Variants in RNF167 observed in about 807,000 individuals in gnomAD.
RNF167 encodes the protein ring finger protein 167.
Under a neutral mutation model 34.8 loss-of-function variants are expected in RNF167, and 19 were observed. The ratio of observed to expected loss-of-function variants is 0.55; its 90% CI spans 0.38 to 0.80. The LOEUF (loss-of-function observed/expected upper bound fraction) is 0.80, where lower values mean the gene tolerates loss of function less well. RNF167 is among the 30% of genes least tolerant of loss of function. RNF167 has a pLI of 0.00. For missense variants in RNF167, 464 were observed against 447.0 expected, an observed-to-expected ratio of 1.04 and a Z score of -0.34; for synonymous variants, 200 against 170.4, an observed-to-expected ratio of 1.17 and a Z score of -1.35.
chr17:4,942,377 A>C lies in RNF167; in HGVS notation c.202A>C (p.Ser68Arg), dbSNP rs747921287. 3 of 1,613,962 alleles carry C rather than the reference A, an allele frequency of 1.9e-6. No individual in the cohort carries two copies. The African/African-American group carries it at 4.0e-5, about 22-fold the overall frequency. The change falls in exon 4 of 10, where the codon AGC (serine) becomes CGC (arginine). Residue 68 changes from serine to arginine, a missense_variant. Coordinates refer to ENST00000262482, the MANE Select transcript of RNF167 (RefSeq NM_015528.3). ...GGAGGCTCACCCAGACAATGCCTGC[A>C]GCCCCATTGCCCCACCACCCCCAGC... ...LVEAHPDNACSPIAPPPPAPV... is the reference protein window; with the variant it reads ...LVEAHPDNACRPIAPPPPAPV...
chr17:4,941,164 T>C lies in RNF167; in HGVS notation c.165+7T>C. On this transcript the variant is annotated splice_region_variant and intron_variant, in intron 3 of 9. Transcript: ENST00000262482. ...GAGCCAGGAGGGCCTCCAGGTGATT[T>C]TCTTTCTTTTCTTTTCCTCCTTCCC... 1 of 1,610,118 alleles carries C rather than the reference T, an allele frequency of 6.2e-7. No individual in the cohort carries two copies.
chr17:4,941,001 TGA>T lies in RNF167; in HGVS notation c.84+10_84+11del. 6.2e-7 allele frequency: 1 copy of T among 1,613,184 alleles called. No homozygotes were observed. The highest frequency in any genetic ancestry group is 2.2e-5 in the East Asian group (1 of 44,858). On this transcript the variant is annotated intron_variant, in intron 2 of 9. Transcript: ENST00000262482. ...CGGGGGCTCATTCGAGCGGTGAGTC[TGA>T]GGGACGGATGGGGAAAGGGCGCTGA...
Position 4,945,100 on chromosome 17 carries a change from C to T in RNF167, c.*84C>T. 2 of 1,264,680 alleles carry T rather than the reference C, an allele frequency of 1.6e-6. No homozygotes were observed. Among genetic ancestry groups the T allele is most frequent in the Non-Finnish European group, 2.2e-6 (2 of 925,076 alleles). The allele number at this position is 1,264,680 out of a possible 1,614,324, so 78.3% of individuals were successfully genotyped here. ...AGTCTTCTGAGGGATAGGGGACATT[C>T]CATCCCAAGCTTCTCCCTTACCCAC... On this transcript the variant is annotated 3_prime_UTR_variant, in exon 10 of 10. Transcript: ENST00000262482.
At chr17:4,943,690 T>C (rs1971073987) in intron 8 of RNF167, among the ~76,000 whole-genome samples, 171 bp downstream of exon 8, 1 of 152,154 alleles carries the variant, frequency 6.6e-6, no homozygotes, top group Non-Finnish European at 1.5e-5. Context: ...GGCAGGTCAC[T>C]TGAGCCCAGG....
In RNF167 at chr17:4,940,757, C is replaced by G; in HGVS notation, c.-153C>G. ...ATATCTCATTCTTTGAGTTGGTGTT[C>G]CTTCCCCGGCGCCCCCATGTAGCTG... On this transcript the variant is annotated 5_prime_UTR_variant, in exon 2 of 10. Transcript: ENST00000262482. 3 of 605,676 alleles carry G rather than the reference C, an allele frequency of 5.0e-6. No individual in the cohort carries two copies. The highest frequency in any genetic ancestry group is 8.4e-6 in the Non-Finnish European group (3 of 357,884). The allele number at this position is 605,676 out of a possible 1,614,324, so 37.5% of individuals were successfully genotyped here. A position where few individuals can be genotyped will look rare whatever the true frequency, so the allele number is the denominator to read the frequency against.
chr17:4,943,682 C>T (rs537698156), intron 8 of RNF167, among the ~76,000 whole-genome samples, 163 bp downstream of exon 8: 1 of 152,276 alleles, frequency 6.6e-6, no homozygotes, highest in South Asian at 2.1e-4. Context: ...CCAAGGTGGG[C>T]AGGTCACTTG....
At position 4,942,558 on chromosome 17, in the gene RNF167, C is replaced by T; in HGVS notation, c.292-19C>T. 6.2e-7 allele frequency: 1 copy of T among 1,613,878 alleles called. No individual in the cohort carries two copies. The highest frequency in any genetic ancestry group is 2.2e-5 in the East Asian group (1 of 44,886). On this transcript the variant is annotated intron_variant, in intron 4 of 9. Coordinates refer to ENST00000262482, the MANE Select transcript of RNF167 (RefSeq NM_015528.3). ...GTAAGGCCCATGATGGCTCCTTGTCCTCTGCCTTGTCTCCCTAGGTCCTAA... is the reference window on the plus strand; with the variant it reads ...GTAAGGCCCATGATGGCTCCTTGTCTTCTGCCTTGTCTCCCTAGGTCCTAA...
intron 8 of RNF167, 197 bp from the exon 9 acceptor site, chr17:4,944,361 T>C: frequency 7.7e-7 from 1 of 1,299,526 alleles, no homozygotes; most frequent in Non-Finnish European, 9.8e-7. Flanking sequence ...CCACTTCCCT[T>C]CTTACCTCTG....
rs1412835380 is a variant in RNF167, at chr17:4,943,608, G to A, written c.670+89G>A. Reference sequence around the variant, plus strand: ...CCCAGAAGATAGGGTATACAAAGATGGCAGTGGCCGGGCACAGTGGCTCAC... The same window carrying A: ...CCCAGAAGATAGGGTATACAAAGATAGCAGTGGCCGGGCACAGTGGCTCAC... On this transcript the variant is annotated intron_variant, in intron 8 of 9. Coordinates refer to ENST00000262482, the MANE Select transcript of RNF167 (RefSeq NM_015528.3). The A allele has an allele frequency of 2.8e-6, 3 of 1,079,576 alleles. No individual in the cohort carries two copies. In the African/African-American group the frequency reaches 4.7e-5, roughly 17 times the overall value. The allele number at this position is 1,079,576 out of a possible 1,614,324, so 66.9% of individuals were successfully genotyped here.
At chr17:4,942,242 A>G (rs1970885234) in intron 3 of RNF167, 99 bp from the exon 4 acceptor site, 4 of 1,356,116 alleles carry the variant, frequency 2.9e-6, no homozygotes, top group Non-Finnish European at 4.1e-6. Context: ...AAGTGAGGAT[A>G]GAGGATGTGC....
Position 4,944,601 on chromosome 17 carries a change from G to A in RNF167, c.714G>A (p.Glu238=). The A allele has an allele frequency of 3.1e-6, 5 of 1,611,196 alleles. No individual in the cohort carries two copies. The highest frequency in any genetic ancestry group is 4.2e-6 in the Non-Finnish European group (5 of 1,178,660). Residue 238 remains glutamate (E), a synonymous_variant, in exon 9 of 10, where the codon GAG becomes GAA. Transcript: ENST00000262482. ...GTGCCATTTGCCTGGATGAATATGA[G>A]GATGGGGACAAGCTGCGGGTACTCC... ...DVCAICLDEY[E]DGDKLRVLPC...
chr17:4,944,576 G>C lies in RNF167; in HGVS notation c.689G>C (p.Cys230Ser). ...DYQKGDQYDV[C>S]AICLDEYEDG... is the part of the protein sequence containing the mutation. ...GTCCCAGGAGACCAGTATGATGTCT[G>C]TGCCATTTGCCTGGATGAATATGAG... Residue 230 changes from cysteine (C) to serine (S), a missense_variant, in exon 9 of 10, where the codon TGT (cysteine) becomes TCT (serine). Cys to Ser is a moderately radical substitution (Grantham distance 112). Coordinates refer to ENST00000262482, the MANE Select transcript of RNF167 (RefSeq NM_015528.3). 6.2e-7 allele frequency: 1 copy of C among 1,605,900 alleles called. No homozygotes were observed. Among genetic ancestry groups the C allele is most frequent in the Non-Finnish European group, 8.5e-7 (1 of 1,175,906 alleles).
In RNF167 at chr17:4,944,862, G is replaced by A; in HGVS notation, c.899G>A (p.Arg300Lys). 1 of 1,613,878 alleles carries A rather than the reference G, an allele frequency of 6.2e-7. No individual in the cohort carries two copies. The highest frequency in any genetic ancestry group is 8.5e-7 in the Non-Finnish European group (1 of 1,179,892). Residue 300 changes from arginine to lysine, a missense_variant, in exon 10 of 10, where the codon AGG becomes AAG. By Grantham distance (26) the Arg-to-Lys change is conservative (BLOSUM62 2). Transcript: ENST00000262482. ...GAGGAGGGTGATGAAGGGGAGCCAA[G>A]GGACCACCCTGCCTCAGAAAGGACC... Reference protein sequence around the residue: ...GQEEGDEGEPRDHPASERTPL... With the variant: ...GQEEGDEGEPKDHPASERTPL...
chr17:4,943,782 C>A (rs773868513), intron 8 of RNF167, among the ~76,000 whole-genome samples: 3 of 152,078 alleles, frequency 2.0e-5, no homozygotes, highest in Non-Finnish European at 4.4e-5. Context: ...ATCCCTTGAC[C>A]CCGGGAGTTC....
At position 4,940,913 on chromosome 17, in the gene RNF167, C is replaced by T. The variant is rs1294831320; in HGVS notation, c.4C>T (p.His2Tyr). 1.4e-5 allele frequency: 23 copies of T among 1,600,214 alleles called. No homozygotes were observed. Among genetic ancestry groups the T allele is most frequent in the Non-Finnish European group, 1.8e-5 (21 of 1,172,132 alleles). M[H>Y]PAAFPLPVVV... The stretch of plus-strand genomic sequence containing the variant: ...CAGCCTCTTTCCTCCCGCTGCCATG[C>T]ACCCTGCAGCCTTCCCGCTTCCTGT... Residue 2 changes from histidine (H) to tyrosine (Y), a missense_variant, in exon 2 of 10, where the codon CAC (histidine) becomes TAC (tyrosine). Coordinates refer to ENST00000262482, the MANE Select transcript of RNF167 (RefSeq NM_015528.3).
chr17:4,940,500 T>C lies in RNF167; in HGVS notation c.-410T>C, dbSNP rs80274549. ...CCGGCCTTTTAGGACCGGAAGTCCTTCATCTCAAGCATCCAATGCTGAAAG... is the reference window on the plus strand; with the variant it reads ...CCGGCCTTTTAGGACCGGAAGTCCTCCATCTCAAGCATCCAATGCTGAAAG... On this transcript the variant is annotated 5_prime_UTR_variant, in exon 2 of 10. Transcript: ENST00000262482. 0.027 allele frequency: 4,741 copies of C among 174,896 alleles called. 88 individuals are homozygous for C. Among genetic ancestry groups the C allele is most frequent in the African/African-American group, 0.046 (1,944 of 42,506 alleles). The allele number at this position is 174,896 out of a possible 1,614,324, so 10.8% of individuals were successfully genotyped here.
Position 4,942,682 on chromosome 17 carries a change from T to C in RNF167, c.379+18T>C. On this transcript the variant is annotated intron_variant, in intron 5 of 9. Transcript: ENST00000262482. The stretch of plus-strand genomic sequence containing the variant: ...GAATAGTGGTAAGGCTGGGGGAATC[T>C]ATACAGCTGGGCTTTCAGTAGGACC... The C allele has an allele frequency of 6.2e-7, 1 of 1,612,720 alleles. No homozygotes were observed. The highest frequency in any genetic ancestry group is 8.5e-7 in the Non-Finnish European group (1 of 1,178,808).
intron 8 of RNF167, among the ~76,000 whole-genome samples, chr17:4,943,924 G>A (rs1465824877): frequency 2.0e-5 from 3 of 152,170 alleles, no homozygotes; most frequent in Admixed American, 6.5e-5. Context: ...CCAGGAAGGC[G>A]GAGGTTGTCG....
rs890910679 is a variant in RNF167 at position 4,942,519 on chromosome 17, A to G, written c.291+53A>G. ...CAGCTGAGGGTAAAAAAAAGGCACC[A>G]GGAATGAAGACAGGTAAGGCCCATG... On this transcript the variant is annotated intron_variant, in intron 4 of 9. Transcript: ENST00000262482. 6.2e-6 allele frequency: 10 copies of G among 1,613,114 alleles called. No individual in the cohort carries two copies. In the Admixed American group the frequency reaches 1.0e-4, roughly 16 times the overall value.
Sources: allele counts gnomAD v4.1 joint callset (sites outside exome capture counted in the v4.1 genomes callset), GRCh38; gene constraint gnomAD v4.1.1; transcripts MANE v1.5; gene names NCBI Gene and HGNC (gene_info 2026-07-23, HGNC 2026-07-21).